Variants in ANKRD26 observed in about 807,000 individuals in gnomAD.
ANKRD26 encodes ankyrin repeat domain-containing protein 26.
A neutral mutation model predicts 208.7 loss-of-function variants in ANKRD26; 141 were observed. That is an observed-to-expected ratio of 0.68 (90% CI 0.59 to 0.78). The LOEUF is 0.78. Ranked by LOEUF, ANKRD26 falls within the 30% of genes least tolerant of loss-of-function variation. The pLI is 0.00. For synonymous variants in ANKRD26, 636 were observed against 660.4 expected (o/e 0.96, Z 0.57); for missense variants, 1,889 against 1,938.7 (o/e 0.97, Z 0.48).
the ANKRD26 span, among the ~76,000 whole-genome samples, chr10:26,966,721 A>G: frequency 2.3e-4 from 35 of 152,360 alleles, no homozygotes; most frequent in African/African-American, 8.4e-4. Flanking sequence ...GCAACAAAAG[A>G]TGATGAGCAT....
At position 27,012,963 on chromosome 10, in the gene ANKRD26, T is replaced by A. The variant is rs1454996401; in HGVS notation, c.4872A>T (p.Lys1624Asn). 6.2e-7 allele frequency: 1 copy of A among 1,614,026 alleles called. No homozygotes were observed. The highest frequency in any genetic ancestry group is 1.1e-5 in the South Asian group (1 of 91,070). ...TCACTAAGTTTTCTCTTGGAATAAG[T>A]TTTCTGTTGAGATCTAAACTATTAT... is the stretch of plus-strand genomic sequence containing the variant. ...NLNNSLDLNR[K>N]LIPRENLVIS... The change falls in exon 32 of 34, where the codon AAA becomes AAT. Residue 1624 changes from lysine (K) to asparagine (N), a missense_variant. Physicochemically the swap from Lys to Asn is moderately conservative, Grantham distance 94. Coordinates refer to ENST00000376087, the MANE Select transcript of ANKRD26 (RefSeq NM_014915.3).
intron 4 of ANKRD26, among the ~76,000 whole-genome samples, chr10:27,089,465 T>C (rs956950158): frequency 6.6e-6 from 1 of 152,216 alleles, no homozygotes; most frequent in African/African-American, 2.4e-5. Flanking sequence ...GGGACCCCTA[T>C]GGATTAAGTT....
intron 27 of ANKRD26, 73 bp downstream of exon 27, chr10:27,028,779 G>A: frequency 8.2e-7 from 1 of 1,226,432 alleles, no homozygotes; most frequent in Middle Eastern, 1.9e-4. Flanking sequence ...TTTTAAATAA[G>A]GGATACTCAA....
intron 5 of ANKRD26, among the ~76,000 whole-genome samples, chr10:26,992,525 G>A (rs994125403): frequency 4.0e-5 from 6 of 150,502 alleles, no homozygotes; most frequent in Non-Finnish European, 3.0e-5. Flanking sequence ...AAAAGAGAGA[G>A]ACTTTCCCAG....
chr10:27,081,768 C>T (rs574554579), intron 6 of ANKRD26, among the ~76,000 whole-genome samples: 51 of 151,680 alleles, frequency 3.4e-4, no homozygotes, highest in African/African-American at 8.7e-4. Context: ...GACAGAGTCC[C>T]GCTCTGTCAC....
At chr10:27,030,704 A>G (rs1433914125) in intron 25 of ANKRD26, 1 of 492,464 alleles carries the variant, frequency 2.0e-6, no homozygotes, top group Non-Finnish European at 2.6e-6. Flanking sequence ...TTCTACTTAT[A>G]TTTAATTACT....
Position 27,005,117 on chromosome 10 carries a change from C to T in ANKRD26, c.*473G>A, listed in dbSNP as rs1374394896. The stretch of plus-strand genomic sequence containing the variant: ...GTGAATCAGGCAAATCTTGTTTCTC[C>T]CTGAGAACAGCTATATAAATCAGTG... On this transcript the variant is annotated 3_prime_UTR_variant, in exon 34 of 34. Coordinates refer to ENST00000376087, the MANE Select transcript of ANKRD26 (RefSeq NM_014915.3). The T allele has an allele frequency of 4.1e-6, 4 of 984,534 alleles. No individual in the cohort carries two copies. Among genetic ancestry groups the T allele is most frequent in the Non-Finnish European group, 3.6e-6 (3 of 829,350 alleles). 61.0% of individuals were successfully genotyped at this position (984,534 alleles called of 1,614,324 possible).
intron 28 of ANKRD26, among the ~76,000 whole-genome samples, chr10:27,023,539 G>A (rs2053561027): frequency 6.6e-6 from 1 of 151,988 alleles, no homozygotes; most frequent in Non-Finnish European, 1.5e-5. Context: ...CTGAGTTAAG[G>A]GGAAAAGGAA....
downstream of ANKRD26, among the ~76,000 whole-genome samples, chr10:26,987,771 T>C (rs1054210969): frequency 6.6e-6 from 1 of 152,098 alleles, no homozygotes; most frequent in African/African-American, 2.4e-5. Context: ...ATATTAAGTA[T>C]GATGAGAGTT....
At chr10:26,957,817 C>G in the ANKRD26 span, among the ~76,000 whole-genome samples, 1 of 152,024 alleles carries the variant, frequency 6.6e-6, no homozygotes, top group South Asian at 2.1e-4. Context: ...TTAACTATTA[C>G]AATTATTGTA....
chr10:26,965,386 A>T, the ANKRD26 span, among the ~76,000 whole-genome samples: 1 of 152,246 alleles, frequency 6.6e-6, no homozygotes, highest in Non-Finnish European at 1.5e-5. Context: ...TGGGGAAAGG[A>T]TTCCATATTT....
In ANKRD26 at chr10:27,096,753, G is replaced by A. The variant is rs556516167; in HGVS notation, c.243-2954C>T. Reference sequence around the variant, plus strand: ...CTCACTCCAGCCCAGGAGACAGAGCGAGACTCCATCTCAAAAAAAAAAAAA... The same window carrying A: ...CTCACTCCAGCCCAGGAGACAGAGCAAGACTCCATCTCAAAAAAAAAAAAA... On this transcript the variant is annotated intron_variant, in intron 1 of 33. Coordinates refer to ENST00000376087, the MANE Select transcript of ANKRD26 (RefSeq NM_014915.3). Among the ~76,000 whole-genome samples the A allele has an allele frequency of 1.0e-4, 14 of 136,338 alleles. 1 individual carries two copies. The highest frequency in any genetic ancestry group is 4.1e-3 in the Middle Eastern group (1 of 242). 89.4% of individuals were successfully genotyped at this position (136,338 alleles called of 152,430 possible).
chr10:27,069,476 T>C (rs1335843468), intron 9 of ANKRD26, among the ~76,000 whole-genome samples: 4 of 152,028 alleles, frequency 2.6e-5, no homozygotes, highest in African/African-American at 9.7e-5. Flanking sequence ...CTTAGGTTTT[T>C]GGTGGTTTTT....
chr10:27,022,587 C>A lies in ANKRD26; in HGVS notation c.4186G>T (p.Asp1396Tyr). 1 of 1,540,506 alleles carries A rather than the reference C, an allele frequency of 6.5e-7. No homozygotes were observed. Among genetic ancestry groups the A allele is most frequent in the Non-Finnish European group, 8.9e-7 (1 of 1,119,164 alleles). The part of the protein sequence containing the change: ...GDLKTSQFEM[D>Y]IQINKLKHKI... The stretch of plus-strand genomic sequence containing the variant: ...TGTTTTAGCTTATTAATCTGAATAT[C>A]CATTTCAAATTGACTAGTTTTTAAA... Residue 1396 changes from aspartate (D) to tyrosine (Y), a missense_variant, in exon 29 of 34, where the codon GAT (aspartate) becomes TAT (tyrosine). Physicochemically the swap from Asp to Tyr is radical, Grantham distance 160. Transcript: ENST00000376087.
At position 27,043,288 on chromosome 10, in the gene ANKRD26, T is replaced by C. The variant is rs2054326083; in HGVS notation, c.2161+138A>G. The C allele has an allele frequency of 5.3e-6, 5 of 936,762 alleles. No individual in the cohort carries two copies. In the Admixed American group the frequency reaches 6.1e-5, roughly 11 times the overall value. The allele number at this position is 936,762 out of a possible 1,614,324, so 58.0% of individuals were successfully genotyped here. ...CAAGAATATATCATATAAAGAACTC[T>C]TCAGCTTTGCACAGTGGCAGCATCA... On this transcript the variant is annotated intron_variant, in intron 20 of 33. Transcript: ENST00000376087.
At chr10:27,096,351 A>G (rs2056464205) in intron 1 of ANKRD26, among the ~76,000 whole-genome samples, 1 of 152,256 alleles carries the variant, frequency 6.6e-6, no homozygotes, top group African/African-American at 2.4e-5. Context: ...CACAGCACTT[A>G]TATACATATA....
chr10:27,046,448 A>G lies in ANKRD26; in HGVS notation c.1890T>C (p.Asn630=), dbSNP rs1221003848. 5 of 1,614,022 alleles carry G rather than the reference A, an allele frequency of 3.1e-6. No homozygotes were observed. The Admixed American group carries it at 5.0e-5, about 16-fold the overall frequency. ...KEKRTSKESV[N]SPVFGKASLL... ...AACTGGCCTTCCCAAACACTGGTGA[A>G]TTCACAGATTCTTTCGAGGTCCGTT... Residue 630 remains asparagine (N), a synonymous_variant, in exon 18 of 34, where the codon AAT becomes AAC. Transcript: ENST00000376087.
chr10:26,962,345 C>A, the ANKRD26 span, among the ~76,000 whole-genome samples: 1 of 152,050 alleles, frequency 6.6e-6, no homozygotes, highest in East Asian at 1.9e-4. Context: ...GAGGCTGAGG[C>A]GGGCAGATCA....
the ANKRD26 span, among the ~76,000 whole-genome samples, chr10:26,955,921 G>A: frequency 6.6e-6 from 1 of 152,108 alleles, no homozygotes; most frequent in African/African-American, 2.4e-5. Flanking sequence ...CAGTTTCAAA[G>A]GTTAGGCAAT....
Sources: gnomAD v4.1 joint callset for allele counts (sites outside exome capture counted in the v4.1 genomes callset) on GRCh38, gnomAD v4.1.1 for gene constraint, MANE v1.5 for transcripts, NCBI Gene and HGNC (gene_info 2026-07-23, HGNC 2026-07-21) for gene names.